SH3GL3: variants seen among roughly 807,000 people sequenced by gnomAD.
SH3GL3 encodes the protein endophilin-A3.
A neutral mutation model predicts 47.7 loss-of-function variants in SH3GL3; 33 were observed. The observed-to-expected ratio is 0.69, with a 90% CI of 0.52 to 0.92. The LOEUF is 0.92. Among genes scored for constraint, SH3GL3 ranks in the 40% least tolerant of loss-of-function variants. The pLI is 0.00. For missense variants in SH3GL3, 363 were observed against 417.8 expected, an observed-to-expected ratio of 0.87 and a Z score of 1.14; for synonymous variants, 155 against 148.8, an observed-to-expected ratio of 1.04 and a Z score of -0.30.
At chr15:83,570,118 T>C (rs1397834427) in intron 4 of SH3GL3, among the ~76,000 whole-genome samples, 1 of 152,206 alleles carries the variant, frequency 6.6e-6, no homozygotes, top group Non-Finnish European at 1.5e-5. Context: ...CGTTTATTTA[T>C]ACTTGTTTTT....
chr15:83,599,565 T>A (rs757582898), intron 8 of SH3GL3, among the ~76,000 whole-genome samples: 27 of 152,256 alleles, frequency 1.8e-4, no homozygotes, highest in Non-Finnish European at 3.2e-4. Context: ...CTACCACATA[T>A]ATATACCACA....
At chr15:83,521,106 G>T (rs1179449464) in intron 1 of SH3GL3, among the ~76,000 whole-genome samples, 1 of 152,050 alleles carries the variant, frequency 6.6e-6, no homozygotes, top group Non-Finnish European at 1.5e-5. Context: ...TCCCTTTCCA[G>T]TCTGAAAAGC....
intron 1 of SH3GL3, among the ~76,000 whole-genome samples, chr15:83,491,479 A>G (rs2041872796): frequency 6.6e-6 from 1 of 152,160 alleles, no homozygotes; most frequent in African/African-American, 2.4e-5. Context: ...AGTGGTATGG[A>G]TAAGATTTAG....
chr15:83,482,534 C>T lies in SH3GL3; in HGVS notation c.45+34956C>T, dbSNP rs138233423. 8.4e-4 allele frequency among the ~76,000 whole-genome samples: 127 copies of T among 151,428 alleles called. 1 individual carries two copies. Among genetic ancestry groups the T allele is most frequent in the African/African-American group, 2.9e-3 (120 of 41,312 alleles). On this transcript the variant is annotated intron_variant, in intron 1 of 8. Transcript: ENST00000427482. ...TTGATTCAAAGTGTCGCTCTTGTTG[C>T]CCAGGCTGGAGTGCAATGGCGTGAT...
intron 1 of SH3GL3, among the ~76,000 whole-genome samples, chr15:83,470,492 G>T (rs1567245534): frequency 6.6e-6 from 1 of 152,164 alleles, no homozygotes; most frequent in Non-Finnish European, 1.5e-5. Context: ...CTCTCAAAGT[G>T]CTGGGATTAC....
intron 1 of SH3GL3, among the ~76,000 whole-genome samples, chr15:83,494,277 C>T (rs1197286654): frequency 2.0e-5 from 3 of 152,182 alleles, no homozygotes; most frequent in Non-Finnish European, 4.4e-5. Flanking sequence ...TTCTGATGGG[C>T]TCGGTCACTG....
intron 1 of SH3GL3, among the ~76,000 whole-genome samples, chr15:83,478,147 A>G (rs1296663210): frequency 1.3e-5 from 2 of 152,198 alleles, no homozygotes; most frequent in Non-Finnish European, 1.5e-5. Flanking sequence ...TCATTCTGAG[A>G]AGACCAGACT....
chr15:83,501,916 T>C (rs982439212), intron 1 of SH3GL3, among the ~76,000 whole-genome samples: 3 of 152,078 alleles, frequency 2.0e-5, no homozygotes, highest in Non-Finnish European at 2.9e-5. Context: ...AAAAAAAGAC[T>C]TACTGGCTTC....
chr15:83,615,474 C>A (rs1429533720), intron 8 of SH3GL3, among the ~76,000 whole-genome samples: 1 of 152,090 alleles, frequency 6.6e-6, no homozygotes, highest in Non-Finnish European at 1.5e-5. Context: ...GCTACCATGC[C>A]TGGCTAACTT....
intron 1 of SH3GL3, among the ~76,000 whole-genome samples, chr15:83,523,959 A>C (rs1596175088): frequency 1.3e-5 from 2 of 152,186 alleles, no homozygotes; most frequent in Middle Eastern, 6.8e-3. Context: ...AAAAAAAAAA[A>C]AAAAAAAACA....
downstream of SH3GL3, among the ~76,000 whole-genome samples, chr15:83,620,792 G>A (rs1031767184): frequency 4.6e-5 from 7 of 152,202 alleles, no homozygotes; most frequent in Non-Finnish European, 8.8e-5. Flanking sequence ...GTCCTTTGAA[G>A]CATTGAAGCC....
intron 1 of SH3GL3, among the ~76,000 whole-genome samples, chr15:83,525,778 G>A (rs2043393526): frequency 6.6e-6 from 1 of 152,094 alleles, no homozygotes; most frequent in African/African-American, 2.4e-5. Flanking sequence ...TGAAGAGGGT[G>A]TCCTTTCCCC....
At chr15:83,508,337 C>G (rs2042601071) in intron 1 of SH3GL3, among the ~76,000 whole-genome samples, 2 of 152,058 alleles carry the variant, frequency 1.3e-5, no homozygotes, top group African/African-American at 4.8e-5. Flanking sequence ...ATGTAGATAT[C>G]TGCTGGAAAA....
chr15:83,494,543 T>TC (rs1447593672), intron 1 of SH3GL3, among the ~76,000 whole-genome samples: 1 of 145,252 alleles, frequency 6.9e-6, no homozygotes, highest in Non-Finnish European at 1.5e-5. Flanking sequence ...TATGACTTAG[T>TC]CCCCCTTTTT....
the SH3GL3 span, among the ~76,000 whole-genome samples, chr15:83,631,534 C>G: frequency 2.0e-5 from 3 of 152,220 alleles, no homozygotes; most frequent in Non-Finnish European, 4.4e-5. Context: ...CAAACCTCAA[C>G]TCTTGACTTC....
intron 1 of SH3GL3, among the ~76,000 whole-genome samples, chr15:83,459,837 C>T (rs2040182865): frequency 6.6e-6 from 1 of 152,000 alleles, no homozygotes; most frequent in Non-Finnish European, 1.5e-5. Context: ...TGCATCATTG[C>T]CTTCTGCTCT....
At chr15:83,535,568 G>C (rs1372654185) in intron 1 of SH3GL3, among the ~76,000 whole-genome samples, 1 of 152,168 alleles carries the variant, frequency 6.6e-6, no homozygotes, top group African/African-American at 2.4e-5. Context: ...ACATGGACCT[G>C]TTTGTAGTCT....
intron 6 of SH3GL3, among the ~76,000 whole-genome samples, chr15:83,578,430 C>T (rs1023071780): frequency 2.0e-5 from 3 of 152,190 alleles, no homozygotes; most frequent in Non-Finnish European, 2.9e-5. Flanking sequence ...GTCCTTATAA[C>T]AGTTTATTTA....
At chr15:83,566,514 C>T (rs2045555391) in intron 3 of SH3GL3, among the ~76,000 whole-genome samples, 1 of 152,110 alleles carries the variant, frequency 6.6e-6, no homozygotes, top group Non-Finnish European at 1.5e-5. Flanking sequence ...ATGGCTTATG[C>T]CTGTAATCCC....
Sources: allele counts gnomAD v4.1 joint callset (sites outside exome capture counted in the v4.1 genomes callset), GRCh38; gene constraint gnomAD v4.1.1; transcripts MANE v1.5; gene names NCBI Gene and HGNC (gene_info 2026-07-23, HGNC 2026-07-21).